The following SLC16A4 variants were observed in gnomAD, a reference collection of about 807,000 sequenced individuals.
SLC16A4 encodes the protein probable monocarboxylate transporter 5.
SLC16A4 carries 39 observed loss-of-function variants against 47.9 expected under a neutral mutation model. That is an observed-to-expected ratio of 0.81 (90% CI 0.63 to 1.06). SLC16A4 has a LOEUF of 1.06. Among genes scored for constraint, SLC16A4 ranks in the 50% least tolerant of loss-of-function variants. The pLI is 0.00. For synonymous variants in SLC16A4, 189 were observed against 199.9 expected, an observed-to-expected ratio of 0.95 and a Z score of 0.46; for missense variants, 524 against 573.8, an observed-to-expected ratio of 0.91 and a Z score of 0.89.
intron 8 of SLC16A4, among the ~76,000 whole-genome samples, chr1:110,374,260 C>G (rs1338417240): frequency 1.3e-5 from 2 of 151,894 alleles, no homozygotes; most frequent in South Asian, 4.2e-4. Context: ...AGGCTGGTCT[C>G]GAACTCCTGA....
chr1:110,364,670 C>G (rs1305567971), intron 8 of SLC16A4, among the ~76,000 whole-genome samples: 1 of 151,866 alleles, frequency 6.6e-6, no homozygotes, highest in Non-Finnish European at 1.5e-5. Flanking sequence ...GCCACCACAC[C>G]CGGCTAATTT....
chr1:110,376,315 C>T (rs774813530), intron 7 of SLC16A4, among the ~76,000 whole-genome samples: 1 of 152,148 alleles, frequency 6.6e-6, no homozygotes, highest in Non-Finnish European at 1.5e-5. Flanking sequence ...GTAGCACTTA[C>T]GCTAATATTG....
At chr1:110,382,990 C>G in intron 2 of SLC16A4, 24 bp from the exon 3 acceptor site, 1 of 1,568,342 alleles carries the variant, frequency 6.4e-7, no homozygotes, top group South Asian at 1.2e-5. Context: ...GACCAGAGTC[C>G]AACTCAGGTG....
chr1:110,377,812 A>T (rs1662093215), intron 6 of SLC16A4, among the ~76,000 whole-genome samples: 1 of 151,842 alleles, frequency 6.6e-6, no homozygotes, highest in South Asian at 2.1e-4. Context: ...AGTTGTTTTT[A>T]TTTATTTATT....
chr1:110,369,484 C>G (rs1022564406), intron 8 of SLC16A4, among the ~76,000 whole-genome samples: 4 of 152,072 alleles, frequency 2.6e-5, no homozygotes, highest in Non-Finnish European at 5.9e-5. Flanking sequence ...CCTGTAGTCC[C>G]AGCTACTCAG....
At chr1:110,370,075 G>A (rs533041956) in intron 8 of SLC16A4, 2 of 152,232 alleles carry the variant, frequency 1.3e-5, no homozygotes, top group South Asian at 4.1e-4. Context: ...TTATAAAAGG[G>A]AAGAACTCCT....
At position 110,363,607 on chromosome 1, in the gene SLC16A4, AAG is replaced by A. The variant is rs1381756347; in HGVS notation, c.*157_*158del. Reference sequence around the variant, plus strand: ...CGCCACTGCACTCCAGCCTGGGCGAAAGAGCGAGACTCCGTCTCAAAAAAAAA... The same window carrying A: ...CGCCACTGCACTCCAGCCTGGGCGAAAGCGAGACTCCGTCTCAAAAAAAAA... On this transcript the variant is annotated 3_prime_UTR_variant, in exon 9 of 9. Coordinates refer to ENST00000369779, the MANE Select transcript of SLC16A4 (RefSeq NM_004696.3). 1 of 638,996 alleles carries A rather than the reference AAG, an allele frequency of 1.6e-6. No homozygotes were observed. Among genetic ancestry groups the A allele is most frequent in the African/African-American group, 1.9e-5 (1 of 52,224 alleles). The allele number at this position is 638,996 out of a possible 1,614,324, so 39.6% of individuals were successfully genotyped here.
In SLC16A4 at chr1:110,382,925, A is replaced by G; in HGVS notation, c.129T>C (p.Ile43=). 5 of 1,612,604 alleles carry G rather than the reference A, an allele frequency of 3.1e-6. No homozygotes were observed. Among genetic ancestry groups the G allele is most frequent in the Non-Finnish European group, 3.4e-6 (4 of 1,178,968 alleles). Residue 43 remains isoleucine, a synonymous_variant, in exon 3 of 9, where the codon ATT becomes ATC. Transcript: ENST00000369779. ...FVMGMTKTFA[I]FFVVFQEEFE... The stretch of plus-strand genomic sequence containing the variant: ...ACTCTTCTTGAAAGACCACAAAGAA[A>G]ATTGCAAAAGTCTTGGTCATCCCCA...
chr1:110,378,809 T>C, intron 6 of SLC16A4, 44 bp downstream of exon 6: 3 of 1,535,422 alleles, frequency 2.0e-6, no homozygotes, highest in Non-Finnish European at 2.6e-6. Flanking sequence ...TAAAATTAAG[T>C]TGATCTTTCC....
rs369505499 is a variant in SLC16A4 at position 110,377,185 on chromosome 1, T to C, written c.1031-24A>G. The C allele has an allele frequency of 4.2e-4, 663 of 1,591,456 alleles. 4 individuals carry two copies. In the Middle Eastern group the frequency reaches 7.8e-3, roughly 19 times the overall value. ...ACCTGGAACAATATTGAAATCTTTT[T>C]ATTTTCCTGGTCCCTTTGAAAAATG... is the stretch of plus-strand genomic sequence containing the variant. On this transcript the variant is annotated intron_variant, in intron 6 of 8. Coordinates refer to ENST00000369779, the MANE Select transcript of SLC16A4 (RefSeq NM_004696.3).
At chr1:110,380,953 TG>T in intron 5 of SLC16A4, 28 bp downstream of exon 5, 1 of 1,601,488 alleles carries the variant, frequency 6.2e-7, no homozygotes, top group East Asian at 2.2e-5. Context: ...CTTGCACAGT[TG>T]ATAGTAAATA....
rs776553103 is a variant in SLC16A4, at chr1:110,381,761, T to TC, written c.254dup (p.Glu86ArgfsTer88). Reference sequence around the variant, plus strand: ...CCCCAAGAATGGAGGTAGTTTTCTCTCCAAGTATGTCACAAATAATAGCAA... The same window carrying TC: ...CCCCAAGAATGGAGGTAGTTTTCTCTCCCAAGTATGTCACAAATAATAGCAA... On this transcript the variant is annotated frameshift_variant, in exon 4 of 9. Transcript: ENST00000369779. LOFTEE classifies it high-confidence loss of function. 1 of 1,613,262 alleles carries TC rather than the reference T, an allele frequency of 6.2e-7. No homozygotes were observed. The highest frequency in any genetic ancestry group is 1.7e-5 in the Admixed American group (1 of 59,772).
intron 5 of SLC16A4, among the ~76,000 whole-genome samples, chr1:110,380,631 C>T (rs1048123007): frequency 3.6e-4 from 2 of 5,586 alleles, no homozygotes; most frequent in East Asian, 2.2e-3. Flanking sequence ...TTTGATGGGG[C>T]GGGGGCGGGG....
In SLC16A4 at chr1:110,365,263, T is replaced by C. The variant is rs572949288; in HGVS notation, c.1337-1370A>G. On this transcript the variant is annotated intron_variant, in intron 8 of 8. Transcript: ENST00000369779. ...GATTTTTCCCTTCTATCTTAGATCATGATGCCTCACTGGATATGTAGAGTA... is the reference window on the plus strand; with the variant it reads ...GATTTTTCCCTTCTATCTTAGATCACGATGCCTCACTGGATATGTAGAGTA... Among the ~76,000 whole-genome samples, 42 of 152,152 alleles carry C rather than the reference T, an allele frequency of 2.8e-4. No individual in the cohort carries two copies. In the South Asian group the frequency reaches 8.1e-3, roughly 29 times the overall value.
At position 110,389,358 on chromosome 1, in the gene SLC16A4, G is replaced by T; in HGVS notation, c.-32-3C>A. 6.7e-7 allele frequency: 1 copy of T among 1,488,860 alleles called. No individual in the cohort carries two copies. The allele number at this position is 1,488,860 out of a possible 1,614,324, so 92.2% of individuals were successfully genotyped here. ...TCTATTTTAAATGCAGAAGATCCCT[G>T]TGATAAATCCAAGACAGTTGATTCA... On this transcript the variant is annotated splice_region_variant and splice_polypyrimidine_tract_variant and intron_variant, in intron 1 of 8. Coordinates refer to ENST00000369779, the MANE Select transcript of SLC16A4 (RefSeq NM_004696.3).
chr1:110,366,133 CTCTT>C (rs1292556403), intron 8 of SLC16A4, among the ~76,000 whole-genome samples: 1 of 125,004 alleles, frequency 8.0e-6, no homozygotes, highest in African/African-American at 2.8e-5. Context: ...CACACACACA[CTCTT>C]TCTCTCTCTC....
chr1:110,373,585 G>A (rs12062656), intron 8 of SLC16A4, among the ~76,000 whole-genome samples: 8 of 151,952 alleles, frequency 5.3e-5, no homozygotes, highest in African/African-American at 1.9e-4. Context: ...AAATAAGAGA[G>A]TTGGTTGCAT....
intron 8 of SLC16A4, among the ~76,000 whole-genome samples, chr1:110,369,170 G>C (rs1271258125): frequency 6.6e-6 from 1 of 151,942 alleles, no homozygotes; most frequent in Non-Finnish European, 1.5e-5. Flanking sequence ...GGTCAAGCTG[G>C]TCTTGAACTC....
intron 8 of SLC16A4, chr1:110,372,495 TACATCA>T (rs1344439370): frequency 6.6e-6 from 1 of 152,276 alleles, no homozygotes; most frequent in East Asian, 1.9e-4. Flanking sequence ...AGTTGATCTG[TACATCA>T]ACATTTCTGA....
Sources: allele counts gnomAD v4.1 joint callset (sites outside exome capture counted in the v4.1 genomes callset), GRCh38; gene constraint gnomAD v4.1.1; transcripts MANE v1.5; gene names NCBI Gene and HGNC (gene_info 2026-07-23, HGNC 2026-07-21).